Variants in ACP3 observed in about 807,000 individuals in gnomAD.
The protein encoded by ACP3 is acid phosphatase 3, also known as prostatic acid phosphatase.
Under a neutral mutation model 45.6 loss-of-function variants are expected in ACP3, and 38 were observed. The ratio of observed to expected loss-of-function variants is 0.83; its 90% CI spans 0.64 to 1.09. ACP3 has a LOEUF of 1.09. Ranked by LOEUF, ACP3 falls within the 50% of genes least tolerant of loss-of-function variation. ACP3 has a pLI of 0.00. For synonymous variants in ACP3, 162 were observed against 164.7 expected, an observed-to-expected ratio of 0.98 and a Z score of 0.13; for missense variants, 466 against 463.2, an observed-to-expected ratio of 1.01 and a Z score of -0.05.
At chr3:132,342,234 G>A (rs1400145627) in intron 5 of ACP3, among the ~76,000 whole-genome samples, 2 of 152,180 alleles carry the variant, frequency 1.3e-5, no homozygotes, top group Admixed American at 1.3e-4. Context: ...TAATCAATTC[G>A]TGTTTGTAAA....
chr3:132,339,037 A>G (rs1420643010), intron 5 of ACP3, among the ~76,000 whole-genome samples: 1 of 151,798 alleles, frequency 6.6e-6, no homozygotes, highest in Admixed American at 6.6e-5. Flanking sequence ...CCCACCCTTC[A>G]CCTTCCAAGA....
chr3:132,357,103 A>G lies in ACP3; in HGVS notation c.*225A>G. On this transcript the variant is annotated 3_prime_UTR_variant, in exon 10 of 10. Transcript: ENST00000336375. ...AGTTTTGTTTTGTTTTTCAGCGTTA[A>G]TGTAAAGGGGCAGCAGTGCCAAAAT... is the stretch of plus-strand genomic sequence containing the variant. 7.9e-7 allele frequency: 1 copy of G among 1,273,172 alleles called. No homozygotes were observed. The highest frequency in any genetic ancestry group is 3.8e-5 in the Admixed American group (1 of 26,528). The allele number at this position is 1,273,172 out of a possible 1,614,324, so 78.9% of individuals were successfully genotyped here.
chr3:132,334,488 G>T (rs746333680), intron 4 of ACP3, among the ~76,000 whole-genome samples: 1 of 152,160 alleles, frequency 6.6e-6, no homozygotes, highest in South Asian at 2.1e-4. Context: ...ATAAGATGGC[G>T]GGCAATAATT....
chr3:132,336,543 A>G (rs924866973), intron 4 of ACP3, among the ~76,000 whole-genome samples: 2 of 152,200 alleles, frequency 1.3e-5, no homozygotes, highest in South Asian at 4.1e-4. Flanking sequence ...CAAAGAGGGA[A>G]TGGTTAAAAA....
intron 5 of ACP3, among the ~76,000 whole-genome samples, chr3:132,340,907 T>C (rs1242035661): frequency 2.0e-5 from 3 of 152,194 alleles, no homozygotes; most frequent in African/African-American, 7.2e-5. Context: ...CAAAAGTATT[T>C]TTTAATTTTT....
chr3:132,356,792 C>T lies in ACP3; in HGVS notation c.1075C>T (p.Leu359=), dbSNP rs1461111977. 1.2e-6 allele frequency: 2 copies of T among 1,614,072 alleles called. No homozygotes were observed. The highest frequency in any genetic ancestry group is 1.7e-6 in the Non-Finnish European group (2 of 1,180,048). ...CTGTCCTCTGGAGAGGTTTGCTGAG[C>T]TGGTTGGCCCTGTGATCCCTCAAGA... The part of the protein sequence containing the change: ...PSCPLERFAE[L]VGPVIPQDWS... The change falls in exon 10 of 10, where the codon CTG becomes TTG. Residue 359 remains leucine, a synonymous_variant. Coordinates refer to ENST00000336375, the MANE Select transcript of ACP3 (RefSeq NM_001099.5).
chr3:132,344,002 C>T (rs1320433914), intron 6 of ACP3, among the ~76,000 whole-genome samples: 2 of 151,998 alleles, frequency 1.3e-5, no homozygotes, highest in Non-Finnish European at 2.9e-5. Flanking sequence ...CACGTGTGGC[C>T]AGGTGTAGTG....
chr3:132,339,504 C>T lies in ACP3; in HGVS notation c.555+1950C>T, dbSNP rs76474132. ...CCTCAGACACAGATGAAAGTCCAGA[C>T]CTCCAAACTTCTGACAGGCTGGCTT... On this transcript the variant is annotated intron_variant, in intron 5 of 9. Transcript: ENST00000336375. 5.3e-3 allele frequency among the ~76,000 whole-genome samples: 808 copies of T among 152,320 alleles called. 10 individuals carry two copies. Among genetic ancestry groups the T allele is most frequent in the African/African-American group, 0.019 (785 of 41,556 alleles).
chr3:132,357,106 T>C lies in ACP3; in HGVS notation c.*228T>C. The C allele has an allele frequency of 2.4e-6, 3 of 1,265,926 alleles. No individual in the cohort carries two copies. Among genetic ancestry groups the C allele is most frequent in the Non-Finnish European group, 3.0e-6 (3 of 1,001,196 alleles). 78.4% of individuals were successfully genotyped at this position (1,265,926 alleles called of 1,614,324 possible). On this transcript the variant is annotated 3_prime_UTR_variant, in exon 10 of 10. Coordinates refer to ENST00000336375, the MANE Select transcript of ACP3 (RefSeq NM_001099.5). ...TTTGTTTTGTTTTTCAGCGTTAATG[T>C]AAAGGGGCAGCAGTGCCAAAATATA...
intron 7 of ACP3, among the ~76,000 whole-genome samples, chr3:132,349,341 C>T (rs1346063911): frequency 6.6e-6 from 1 of 152,156 alleles, no homozygotes; most frequent in Non-Finnish European, 1.5e-5. Context: ...CCAATAGTGA[C>T]ACCTAGGGTA....
At chr3:132,367,975 C>A (rs553322457) in exon 11 of ACP3, 2 of 638,336 alleles carry the variant, frequency 3.1e-6, no homozygotes, top group African/African-American at 1.8e-5. Flanking sequence ...TCACAGTGAC[C>A]CACAGGCTGC....
intron 1 of ACP3, among the ~76,000 whole-genome samples, chr3:132,326,506 A>C (rs1937300463): frequency 6.6e-6 from 1 of 152,182 alleles, no homozygotes; most frequent in Non-Finnish European, 1.5e-5. Context: ...TCATTCATGA[A>C]AGTAATTTCT....
Position 132,352,783 on chromosome 3 carries a change from T to G in ACP3, c.928T>G (p.Tyr310Asp). 2 of 1,613,804 alleles carry G rather than the reference T, an allele frequency of 1.2e-6. No individual in the cohort carries two copies. The highest frequency in any genetic ancestry group is 1.7e-6 in the Non-Finnish European group (2 of 1,179,688). Residue 310 changes from tyrosine to aspartate, a missense_variant, in exon 9 of 10, where the codon TAT becomes GAT. Coordinates refer to ENST00000336375, the MANE Select transcript of ACP3 (RefSeq NM_001099.5). ...LDVYNGLLPP[Y>D]ASCHLTELYF... is the part of the protein sequence containing the mutation. ...TGTTTACAACGGACTCCTTCCTCCC[T>G]ATGCTTCTTGCCACTTGACGGAATT... is the stretch of plus-strand genomic sequence containing the variant.
chr3:132,323,082 C>T (rs1200741378), intron 1 of ACP3, among the ~76,000 whole-genome samples: 1 of 151,942 alleles, frequency 6.6e-6, no homozygotes, highest in Non-Finnish European at 1.5e-5. Context: ...AACCTCTTTC[C>T]TTTATAAATT....
chr3:132,351,392 G>C (rs952325468), intron 8 of ACP3, among the ~76,000 whole-genome samples: 1 of 152,180 alleles, frequency 6.6e-6, no homozygotes, highest in Non-Finnish European at 1.5e-5. Flanking sequence ...ATGGAGTCTG[G>C]GATGAGCAGG....
chr3:132,336,621 T>C (rs1326646024), intron 4 of ACP3, among the ~76,000 whole-genome samples: 2 of 151,990 alleles, frequency 1.3e-5, no homozygotes. Flanking sequence ...TAGAAGTCAG[T>C]TGGGGAGTGT....
At chr3:132,330,028 C>T (rs1937371660) in intron 2 of ACP3, among the ~76,000 whole-genome samples, 2 of 150,394 alleles carry the variant, frequency 1.3e-5, no homozygotes, top group South Asian at 2.1e-4. Flanking sequence ...AAGCAATTCT[C>T]GTGCCTCAGC....
chr3:132,361,827 C>G (rs1938045446), downstream of ACP3, among the ~76,000 whole-genome samples: 2 of 152,184 alleles, frequency 1.3e-5, no homozygotes, highest in Admixed American at 1.3e-4. Context: ...AAACCACATT[C>G]CTCCCTGCAT....
rs186838232 is a variant in ACP3 at position 132,320,276 on chromosome 3, C to T, written c.120+2700C>T. Reference sequence around the variant, plus strand: ...CTGTAGAAAACACTGAGAGAACTGACATTTTTAACTTTATATGGAAAGAAT... The same window carrying T: ...CTGTAGAAAACACTGAGAGAACTGATATTTTTAACTTTATATGGAAAGAAT... On this transcript the variant is annotated intron_variant, in intron 1 of 9. Coordinates refer to ENST00000336375, the MANE Select transcript of ACP3 (RefSeq NM_001099.5). Among the ~76,000 whole-genome samples the T allele has an allele frequency of 3.3e-5, 5 of 152,252 alleles. No individual in the cohort carries two copies. The East Asian group carries it at 5.8e-4, about 18-fold the overall frequency.
Sources: gnomAD v4.1 joint callset for allele counts (sites outside exome capture counted in the v4.1 genomes callset) on GRCh38, gnomAD v4.1.1 for gene constraint, MANE v1.5 for transcripts, NCBI Gene and HGNC (gene_info 2026-07-23, HGNC 2026-07-21) for gene names.